Variants in CORIN observed in about 807,000 individuals in gnomAD.
The protein encoded by CORIN is corin, serine peptidase, also known as atrial natriuretic peptide-converting enzyme.
Under a neutral mutation model 125.3 loss-of-function variants are expected in CORIN, and 117 were observed. That is an observed-to-expected ratio of 0.93 (90% CI 0.80 to 1.09). The LOEUF is 1.09. Ranked by LOEUF, CORIN falls within the 50% of genes least tolerant of loss-of-function variation. The pLI is 0.00. For missense variants in CORIN, 1,253 were observed against 1,306.7 expected (o/e 0.96, Z 0.63); for synonymous variants, 450 against 466.4 (o/e 0.96, Z 0.45).
chr4:47,652,718 G>A (rs1392545819), intron 13 of CORIN: 1 of 152,148 alleles, frequency 6.6e-6, no homozygotes, highest in African/African-American at 2.4e-5. Flanking sequence ...GTCAAGAAGA[G>A]TTTTATCCTT....
Position 47,747,359 on chromosome 4 carries a change from T to A in CORIN, c.618-2776A>T, listed in dbSNP as rs184378043. On this transcript the variant is annotated intron_variant, in intron 4 of 21. Coordinates refer to ENST00000273857, the MANE Select transcript of CORIN (RefSeq NM_006587.4). ...CAATGGAATCTCTAACTGATGAAATTCCAGATACCATTTAAAGGGAAAAAA... is the reference window on the plus strand; with the variant it reads ...CAATGGAATCTCTAACTGATGAAATACCAGATACCATTTAAAGGGAAAAAA... Among the ~76,000 whole-genome samples, 14 of 152,178 alleles carry A rather than the reference T, an allele frequency of 9.2e-5. No homozygotes were observed. In the East Asian group the frequency reaches 2.5e-3, roughly 27 times the overall value.
intron 19 of CORIN, among the ~76,000 whole-genome samples, chr4:47,614,400 T>A (rs376419757): frequency 4.6e-5 from 7 of 152,268 alleles, no homozygotes; most frequent in East Asian, 3.9e-4. Context: ...TTTCACCATA[T>A]TTTATCCAGG....
chr4:47,748,469 G>C (rs936502869), intron 4 of CORIN, among the ~76,000 whole-genome samples: 1 of 152,170 alleles, frequency 6.6e-6, no homozygotes, highest in Non-Finnish European at 1.5e-5. Flanking sequence ...AGTTAAAGCA[G>C]AAAGCTTTTA....
In CORIN at chr4:47,594,354, G is replaced by A. The variant is rs930084191; in HGVS notation, c.*1367C>T. 6.6e-6 allele frequency: 1 copy of A among 152,578 alleles called. No individual in the cohort carries two copies. The highest frequency in any genetic ancestry group is 1.5e-5 in the Non-Finnish European group (1 of 68,018). The allele number at this position is 152,578 out of a possible 1,614,324, so 9.5% of individuals were successfully genotyped here. A position where few individuals can be genotyped will look rare whatever the true frequency, so the allele number is the denominator to read the frequency against. ...AATGCTGAGGCAGTCCAGGTTGCTG[G>A]TGGAGGTTAGTAGGGAATCCTAGTT... On this transcript the variant is annotated 3_prime_UTR_variant, in exon 22 of 22. Coordinates refer to ENST00000273857, the MANE Select transcript of CORIN (RefSeq NM_006587.4).
intron 2 of CORIN, among the ~76,000 whole-genome samples, chr4:47,797,409 T>C (rs184393483): frequency 1.8e-4 from 27 of 152,006 alleles, no homozygotes; most frequent in African/African-American, 6.5e-4. Flanking sequence ...AATTAGTCTC[T>C]GAAAGTAAAT....
At chr4:47,640,723 A>C (rs1440213550) in intron 16 of CORIN, among the ~76,000 whole-genome samples, 1 of 152,192 alleles carries the variant, frequency 6.6e-6, no homozygotes, top group Non-Finnish European at 1.5e-5. Flanking sequence ...AAAAACAGGA[A>C]CCTTTCTATT....
chr4:47,833,653 T>C (rs1306634548), intron 1 of CORIN, among the ~76,000 whole-genome samples: 1 of 152,050 alleles, frequency 6.6e-6, no homozygotes, highest in Admixed American at 6.6e-5. Flanking sequence ...TTGCGAATCA[T>C]ATATCTGATA....
intron 16 of CORIN, among the ~76,000 whole-genome samples, chr4:47,627,896 G>C (rs1381817385): frequency 6.6e-6 from 1 of 152,204 alleles, no homozygotes; most frequent in Non-Finnish European, 1.5e-5. Context: ...TTAGGAGAGA[G>C]TGTGCACTGA....
chr4:47,764,588 A>G (rs1160646185), intron 3 of CORIN, among the ~76,000 whole-genome samples: 3 of 152,242 alleles, frequency 2.0e-5, no homozygotes, highest in Non-Finnish European at 2.9e-5. Flanking sequence ...TATATTATAC[A>G]TGAGAAAACT....
At chr4:47,664,934 C>A in intron 11 of CORIN, 98 bp downstream of exon 11, 1 of 699,366 alleles carries the variant, frequency 1.4e-6, no homozygotes, top group Non-Finnish European at 2.5e-6. Context: ...ATGCAGAGCT[C>A]CTTAGGGAAA....
intron 16 of CORIN, among the ~76,000 whole-genome samples, chr4:47,629,694 CGTT>C (rs1722730310): frequency 6.6e-6 from 1 of 152,106 alleles, no homozygotes; most frequent in South Asian, 2.1e-4. Flanking sequence ...TTGCTACACA[CGTT>C]GTTCTGTGTG....
At chr4:47,623,523 C>T in intron 19 of CORIN, 48 bp downstream of exon 19, 3 of 1,589,754 alleles carry the variant, frequency 1.9e-6, no homozygotes, top group South Asian at 1.1e-5. Flanking sequence ...TCCCGAGTGA[C>T]AAAGTGATCA....
intron 2 of CORIN, among the ~76,000 whole-genome samples, chr4:47,800,569 C>T (rs1031059900): frequency 6.6e-6 from 1 of 152,150 alleles, no homozygotes; most frequent in Admixed American, 6.5e-5. Context: ...AAGACAACTA[C>T]TGAAGGGCGC....
chr4:47,787,017 A>G (rs1009796290), intron 2 of CORIN, 92 bp from the exon 3 acceptor site: 1 of 883,856 alleles, frequency 1.1e-6, no homozygotes, highest in Non-Finnish European at 1.7e-6. Context: ...CTCTAGAGCT[A>G]CTTTCCCTAT....
Position 47,661,841 on chromosome 4 carries a change from G to T in CORIN, c.1605C>A (p.His535Gln). The part of the protein sequence containing the change: ...HIPPCRALCE[H>Q]SKERCESVLG... ...GAACAGACTCACAGCGTTCTTTAGA[G>T]TGTTCACACAATGCCCTAGATGAAC... The change falls in exon 12 of 22, where the codon CAC (histidine) becomes CAA (glutamine). Residue 535 changes from histidine (H) to glutamine (Q), a missense_variant. By Grantham distance (24) the His-to-Gln change is conservative. Transcript: ENST00000273857. 6.2e-7 allele frequency: 1 copy of T among 1,608,218 alleles called. No homozygotes were observed. The highest frequency in any genetic ancestry group is 8.5e-7 in the Non-Finnish European group (1 of 1,176,204).
chr4:47,703,561 G>A (rs10517198), intron 5 of CORIN, among the ~76,000 whole-genome samples: 19,939 of 152,150 alleles, frequency 0.13, 1,662 homozygotes, highest in East Asian at 0.3. Flanking sequence ...CGCTGCTTTG[G>A]CGAATTACTT....
intron 3 of CORIN, among the ~76,000 whole-genome samples, chr4:47,781,147 T>TA (rs1435290602): frequency 6.6e-5 from 10 of 152,180 alleles, no homozygotes; most frequent in East Asian, 1.9e-4. Flanking sequence ...CAGAATGGGT[T>TA]AAAAAAACCA....
intron 5 of CORIN, among the ~76,000 whole-genome samples, chr4:47,695,743 T>C (rs1257841615): frequency 6.6e-6 from 1 of 152,260 alleles, no homozygotes; most frequent in Non-Finnish European, 1.5e-5. Context: ...TCTTTCTGTT[T>C]GATTTCTTCT....
chr4:47,653,765 G>A (rs936324904), intron 12 of CORIN, 105 bp from the exon 13 acceptor site: 12 of 985,030 alleles, frequency 1.2e-5, no homozygotes, highest in African/African-American at 1.1e-4. Context: ...CTGAAGATAA[G>A]GGTGGTCTCT....
Sources: allele counts gnomAD v4.1 joint callset (sites outside exome capture counted in the v4.1 genomes callset), GRCh38; gene constraint gnomAD v4.1.1; transcripts MANE v1.5; gene names NCBI Gene and HGNC (gene_info 2026-07-23, HGNC 2026-07-21).